EFCAB5: variants seen among roughly 807,000 people sequenced by gnomAD.
EFCAB5 encodes the protein EF-hand calcium binding domain 5.
A neutral mutation model predicts 167.9 loss-of-function variants in EFCAB5; 131 were observed. The ratio of observed to expected loss-of-function variants is 0.78; its 90% CI spans 0.68 to 0.90. The LOEUF is 0.90. EFCAB5 is among the 40% of genes least tolerant of loss of function. The pLI, the probability that EFCAB5 is intolerant of heterozygous loss-of-function variation, is 0.00. For missense variants in EFCAB5, 1,663 were observed against 1,745.2 expected (o/e 0.95, Z 0.84); for synonymous variants, 574 against 602.8 (o/e 0.95, Z 0.70).
At chr17:29,954,004 A>G (rs890928005) in intron 3 of EFCAB5, among the ~76,000 whole-genome samples, 1 of 152,204 alleles carries the variant, frequency 6.6e-6, no homozygotes, top group East Asian at 1.9e-4. Flanking sequence ...AGATCTGTGG[A>G]ACTTTGAACT....
At chr17:29,941,299 G>A (rs1430425053), upstream of EFCAB5, among the ~76,000 whole-genome samples, 1 of 151,990 alleles carries the variant, frequency 6.6e-6, no homozygotes, top group East Asian at 1.9e-4. Context: ...CAATATAAAT[G>A]AATAAACCAG....
At chr17:30,079,395 A>G (rs1453693545) in intron 15 of EFCAB5, among the ~76,000 whole-genome samples, 2 of 152,220 alleles carry the variant, frequency 1.3e-5, no homozygotes, top group Non-Finnish European at 1.5e-5. Flanking sequence ...ACCCAAATAT[A>G]TAGAAAGAGG....
intron 7 of EFCAB5, among the ~76,000 whole-genome samples, chr17:30,019,190 T>C (rs1265513785): frequency 6.6e-6 from 1 of 152,180 alleles, no homozygotes; most frequent in Non-Finnish European, 1.5e-5. Context: ...TTTTATTCCA[T>C]CCATTTATTC....
intron 7 of EFCAB5, among the ~76,000 whole-genome samples, chr17:30,020,048 C>T (rs2069137786): frequency 6.6e-6 from 1 of 152,090 alleles, no homozygotes; most frequent in South Asian, 2.1e-4. Flanking sequence ...CTGTACTTGG[C>T]TTATTTCACT....
intron 7 of EFCAB5, among the ~76,000 whole-genome samples, chr17:30,012,663 T>C (rs555768453): frequency 6.6e-6 from 1 of 152,304 alleles, no homozygotes; most frequent in African/African-American, 2.4e-5. Context: ...TTGGTGGTAG[T>C]GGTCCCCCGG....
chr17:30,077,978 C>A (rs891931574), intron 14 of EFCAB5, among the ~76,000 whole-genome samples: 1 of 152,048 alleles, frequency 6.6e-6, no homozygotes, highest in African/African-American at 2.4e-5. Flanking sequence ...TTTCACCAGG[C>A]TAGGTGGTAA....
chr17:29,978,599 A>G (rs921221362), intron 4 of EFCAB5, among the ~76,000 whole-genome samples: 22 of 152,282 alleles, frequency 1.4e-4, no homozygotes, highest in Admixed American at 3.9e-4. Flanking sequence ...GTTTGCTTCA[A>G]TGATATAGAA....
In EFCAB5 at chr17:30,097,979, G is replaced by A. The variant is rs529546109; in HGVS notation, c.4321+5043G>A. 3.0e-4 allele frequency among the ~76,000 whole-genome samples: 46 copies of A among 152,158 alleles called. No individual in the cohort carries two copies. The South Asian group carries it at 9.1e-3, about 30-fold the overall frequency. ...AGACAGGGCCCCCCTCTATCACTCA[G>A]GCTGGAGTGCAGTGCCACAATCACA... On this transcript the variant is annotated intron_variant, in intron 22 of 22. Transcript: ENST00000394835.
intron 4 of EFCAB5, among the ~76,000 whole-genome samples, chr17:29,977,017 G>A (rs1159685059): frequency 6.6e-6 from 1 of 152,138 alleles, no homozygotes; most frequent in African/African-American, 2.4e-5. Flanking sequence ...TAGAATTAAA[G>A]TGGACTTTAA....
chr17:30,020,356 C>CT lies in EFCAB5; in HGVS notation c.1045-13861dup, dbSNP rs539194798. On this transcript the variant is annotated intron_variant, in intron 7 of 22. Transcript: ENST00000394835. ...AGTTGGATTTTACCTATGCACTATT[C>CT]TTTTTTTTTTTTTCTTTTTTTTTTT... Among the ~76,000 whole-genome samples the CT allele has an allele frequency of 0.011, 1,511 of 132,108 alleles. 64 individuals are homozygous for CT. In the East Asian group the frequency reaches 0.15, roughly 13 times the overall value. The allele number at this position is 132,108 out of a possible 152,430, so 86.7% of individuals were successfully genotyped here. A position where few individuals can be genotyped will look rare whatever the true frequency, so the allele number is the denominator to read the frequency against.
At chr17:30,037,139 A>G (rs546852993) in intron 8 of EFCAB5, among the ~76,000 whole-genome samples, 2 of 152,308 alleles carry the variant, frequency 1.3e-5, no homozygotes, top group East Asian at 3.9e-4. Flanking sequence ...GCTAAATCCA[A>G]CATGGCACTA....
chr17:30,054,203 A>C lies in EFCAB5; in HGVS notation c.2194+55A>C, dbSNP rs1056876983. 2.7e-5 allele frequency: 39 copies of C among 1,460,854 alleles called. No individual in the cohort carries two copies. In the African/African-American group the frequency reaches 5.3e-4, roughly 20 times the overall value. 90.5% of individuals were successfully genotyped at this position (1,460,854 alleles called of 1,614,324 possible). A position where few individuals can be genotyped will look rare whatever the true frequency, so the allele number is the denominator to read the frequency against. ...TTCCCTGTTTTGTGGAATGGTTTTTAAAGTCTTTTCAGAAAACACTCATTT... is the reference window on the plus strand; with the variant it reads ...TTCCCTGTTTTGTGGAATGGTTTTTCAAGTCTTTTCAGAAAACACTCATTT... On this transcript the variant is annotated intron_variant, in intron 10 of 22. Coordinates refer to ENST00000394835, the MANE Select transcript of EFCAB5 (RefSeq NM_198529.4).
intron 3 of EFCAB5, among the ~76,000 whole-genome samples, chr17:29,957,154 T>G (rs1287940865): frequency 6.6e-6 from 1 of 152,136 alleles, no homozygotes; most frequent in Non-Finnish European, 1.5e-5. Flanking sequence ...GGGATTTTAT[T>G]ATGAAGAGCT....
chr17:29,957,864 G>A (rs563125100), intron 3 of EFCAB5, among the ~76,000 whole-genome samples: 1 of 152,228 alleles, frequency 6.6e-6, no homozygotes, highest in South Asian at 2.1e-4. Flanking sequence ...CAATGGGATT[G>A]CTGGGTCAAA....
chr17:29,947,521 A>G (rs1406010053), intron 3 of EFCAB5, among the ~76,000 whole-genome samples: 2 of 152,218 alleles, frequency 1.3e-5, no homozygotes. Context: ...TCACCACTAT[A>G]CAATTCATCC....
intron 14 of EFCAB5, 54 bp from the exon 15 acceptor site, chr17:30,078,161 C>T (rs1289072356): frequency 7.9e-6 from 12 of 1,525,864 alleles, no homozygotes; most frequent in African/African-American, 1.4e-5. Context: ...AAAATCCCCC[C>T]CACCAATGAG....
chr17:30,019,960 C>A (rs1407442032), intron 7 of EFCAB5, among the ~76,000 whole-genome samples: 1 of 152,030 alleles, frequency 6.6e-6, no homozygotes, highest in African/African-American at 2.4e-5. Context: ...ATGATTAAAT[C>A]AAGCTAATTA....
At chr17:29,940,206 G>A (rs2067280133), upstream of EFCAB5, among the ~76,000 whole-genome samples, 1 of 152,024 alleles carries the variant, frequency 6.6e-6, no homozygotes, top group African/African-American at 2.4e-5. Context: ...CTCCTGCGTA[G>A]CTGGGATCAC....
chr17:29,980,873 G>T (rs972648241), intron 4 of EFCAB5, among the ~76,000 whole-genome samples: 3 of 152,162 alleles, frequency 2.0e-5, no homozygotes, highest in African/African-American at 4.8e-5. Flanking sequence ...AGAAGTCATT[G>T]TCCTCAAGCC....
Sources: allele counts gnomAD v4.1 joint callset (sites outside exome capture counted in the v4.1 genomes callset), GRCh38; gene constraint gnomAD v4.1.1; transcripts MANE v1.5; gene names NCBI Gene and HGNC (gene_info 2026-07-23, HGNC 2026-07-21).